The following RASA3 variants were observed in gnomAD, a reference collection of about 807,000 sequenced individuals.
RASA3 encodes RAS p21 protein activator 3.
Under a neutral mutation model 110.0 loss-of-function variants are expected in RASA3, and 73 were observed. The ratio of observed to expected loss-of-function variants is 0.66; its 90% CI spans 0.55 to 0.81. The LOEUF is 0.81. RASA3 is among the 30% of genes least tolerant of loss of function. RASA3 has a pLI of 0.00. For missense variants in RASA3, 976 were observed against 1,113.2 expected, an observed-to-expected ratio of 0.88 and a Z score of 1.75; for synonymous variants, 500 against 451.4, an observed-to-expected ratio of 1.11 and a Z score of -1.37.
chr13:114,070,415 G>A (rs928288040), intron 2 of RASA3, among the ~76,000 whole-genome samples: 19 of 152,108 alleles, frequency 1.2e-4, no homozygotes, highest in African/African-American at 2.9e-4. Context: ...CACCGATGGA[G>A]GGCTTCCGAC....
In RASA3 at chr13:114,000,831, C is replaced by T; in HGVS notation, c.1844G>A (p.Ser615Asn). Reference protein sequence around the residue: ...LTNHEFTYHKSKGDQPLYSIP... With the variant: ...LTNHEFTYHKNKGDQPLYSIP... ...AAAGCGACCTTGCTCCTTACCTTTG[C>T]TTTTGTGGTAGGTAAATTCATGGTT... Residue 615 changes from serine (S) to asparagine (N), a missense_variant, in exon 19 of 24, where the codon AGC becomes AAC. Ser to Asn is a conservative substitution (Grantham distance 46, BLOSUM62 1). Around this residue, in one of 4 missense-constraint regions of RASA3, gnomAD observed 109 missense variants for 162.5 expected, o/e 0.67. Coordinates refer to ENST00000334062, the MANE Select transcript of RASA3 (RefSeq NM_007368.4). The T allele has an allele frequency of 6.2e-7, 1 of 1,607,404 alleles. No homozygotes were observed. Among genetic ancestry groups the T allele is most frequent in the Non-Finnish European group, 8.5e-7 (1 of 1,173,966 alleles).
chr13:114,047,292 A>C (rs568897318), intron 3 of RASA3, among the ~76,000 whole-genome samples: 1 of 152,368 alleles, frequency 6.6e-6, no homozygotes, highest in South Asian at 2.1e-4. Flanking sequence ...ACTAAGCCCA[A>C]GAAAAGGTCC....
At chr13:114,108,018 G>A (rs2080157340) in intron 1 of RASA3, among the ~76,000 whole-genome samples, 1 of 152,016 alleles carries the variant, frequency 6.6e-6, no homozygotes, top group Non-Finnish European at 1.5e-5. Context: ...GGGCTCTGCG[G>A]GATCCCCTGA....
At chr13:114,124,800 G>A (rs545301155) in intron 1 of RASA3, among the ~76,000 whole-genome samples, 6 of 152,284 alleles carry the variant, frequency 3.9e-5, no homozygotes, top group South Asian at 2.1e-4. Flanking sequence ...TTTCTTTCTC[G>A]GCCTTGGCGT....
intron 1 of RASA3, among the ~76,000 whole-genome samples, chr13:114,098,499 A>G (rs993806620): frequency 2.0e-5 from 3 of 152,166 alleles, no homozygotes; most frequent in Admixed American, 2.0e-4. Context: ...AGAGACGTGA[A>G]CAGGCGAAAG....
intron 2 of RASA3, among the ~76,000 whole-genome samples, chr13:114,059,277 T>C (rs546272223): frequency 6.6e-6 from 1 of 152,268 alleles, no homozygotes; most frequent in Non-Finnish European, 1.5e-5. Context: ...AGTCCCCAGG[T>C]GCAGCTGCTC....
Position 114,132,525 on chromosome 13 carries a change from C to A in RASA3, c.-36G>T. On this transcript the variant is annotated 5_prime_UTR_variant, in exon 1 of 24. Coordinates refer to ENST00000334062, the MANE Select transcript of RASA3 (RefSeq NM_007368.4). The stretch of plus-strand genomic sequence containing the variant: ...CGCGCCCGCCGAGCCTCGCCCCAAG[C>A]GCGCGCCGAGCCCGGGCAGCTCAGG... The A allele has an allele frequency of 6.9e-7, 1 of 1,453,398 alleles. No individual in the cohort carries two copies. The highest frequency in any genetic ancestry group is 9.1e-7 in the Non-Finnish European group (1 of 1,102,992). 90.0% of individuals were successfully genotyped at this position (1,453,398 alleles called of 1,614,324 possible). A position where few individuals can be genotyped will look rare whatever the true frequency, so the allele number is the denominator to read the frequency against.
chr13:114,078,036 A>T (rs2079722430), intron 1 of RASA3: 2 of 970,050 alleles, frequency 2.1e-6, no homozygotes, highest in Admixed American at 6.2e-5. Context: ...GGTTGCTATG[A>T]CGACAGCAAC....
Position 114,011,219 on chromosome 13 carries a change from C to T in RASA3, c.1542G>A (p.Leu514=). The change falls in exon 16 of 24, where the codon TTG becomes TTA. Residue 514 remains leucine, a synonymous_variant. Coordinates refer to ENST00000334062, the MANE Select transcript of RASA3 (RefSeq NM_007368.4). The surrounding 1 kb of genome is among the most constrained non-coding windows in gnomAD (Gnocchi z 4.8). ...TDPQTSRTLT[L]ISKTVQTLGS... Reference sequence around the variant, plus strand: ...CGAGGGTCTGAACGGTCTTGGAGATCAATGTCAGCGTCCTGGACGTCTGGG... The same window carrying T: ...CGAGGGTCTGAACGGTCTTGGAGATTAATGTCAGCGTCCTGGACGTCTGGG... The T allele has an allele frequency of 6.2e-7, 1 of 1,612,870 alleles. No homozygotes were observed. The highest frequency in any genetic ancestry group is 1.1e-5 in the South Asian group (1 of 90,548).
chr13:114,124,721 G>A (rs145555617), intron 1 of RASA3, among the ~76,000 whole-genome samples: 21 of 152,372 alleles, frequency 1.4e-4, no homozygotes, highest in Admixed American at 1.3e-3. Context: ...GCGGCCTGAC[G>A]GAGCCGCTCC....
At chr13:114,100,274 T>C (rs925415625) in intron 1 of RASA3, among the ~76,000 whole-genome samples, 1 of 151,782 alleles carries the variant, frequency 6.6e-6, no homozygotes, top group Non-Finnish European at 1.5e-5. Context: ...CGGCTGCCCC[T>C]CGGCCCCGAC....
chr13:114,075,458 G>A (rs1048572972), intron 1 of RASA3, among the ~76,000 whole-genome samples: 3 of 89,288 alleles, frequency 3.4e-5, no homozygotes, highest in Admixed American at 1.0e-4. Context: ...TCCCGTGTCC[G>A]CGCCGCGTAT....
chr13:114,013,660 CTT>C (rs1437330505), intron 14 of RASA3, among the ~76,000 whole-genome samples: 1 of 145,980 alleles, frequency 6.9e-6, no homozygotes, highest in Non-Finnish European at 1.5e-5. Flanking sequence ...CTCTCTCCCT[CTT>C]TGTCCCTCTC....
chr13:113,991,380 A>C (rs1478606043), intron 22 of RASA3, among the ~76,000 whole-genome samples: 1 of 152,224 alleles, frequency 6.6e-6, no homozygotes, highest in Admixed American at 6.5e-5. Context: ...CAGGGGAATG[A>C]AAAGAAGAAA....
At chr13:114,118,049 G>C (rs2080319623) in intron 1 of RASA3, among the ~76,000 whole-genome samples, 1 of 152,072 alleles carries the variant, frequency 6.6e-6, no homozygotes, top group Non-Finnish European at 1.5e-5. Context: ...CAGCCGTTTA[G>C]AAGTGCCTTA....
chr13:114,059,568 G>A (rs967236661), intron 2 of RASA3, among the ~76,000 whole-genome samples: 5 of 152,210 alleles, frequency 3.3e-5, no homozygotes, highest in Admixed American at 6.5e-5. Context: ...TCAGGACACC[G>A]CCCTCTCCAC....
rs142324178 is a variant in RASA3 at position 114,104,525 on chromosome 13, A to G, written c.55+27910T>C. ...CCTGACCCTGTCATCAGGGGCGGGA[A>G]CTCCGGTGGCGGGCACACCCAGCGC... On this transcript the variant is annotated intron_variant, in intron 1 of 23. Coordinates refer to ENST00000334062, the MANE Select transcript of RASA3 (RefSeq NM_007368.4). Among the ~76,000 whole-genome samples the G allele has an allele frequency of 2.1e-3, 325 of 152,168 alleles. 1 individual carries two copies. The highest frequency in any genetic ancestry group is 3.9e-3 in the Non-Finnish European group (267 of 67,980).
chr13:114,094,801 A>G lies in RASA3; in HGVS notation c.56-20964T>C, dbSNP rs377132089. On this transcript the variant is annotated intron_variant, in intron 1 of 23. Transcript: ENST00000334062. ...TGCATTTTGTTGGGCTATAATATAC[A>G]CTCAGTAAATAGAGCTCACACGTTT... 7.5e-4 allele frequency among the ~76,000 whole-genome samples: 114 copies of G among 152,314 alleles called. 2 individuals carry two copies. The South Asian group carries it at 0.019, about 25-fold the overall frequency.
At chr13:114,052,007 C>T (rs115858845) in intron 3 of RASA3, 45 bp downstream of exon 3, 10 of 1,435,168 alleles carry the variant, frequency 7.0e-6, no homozygotes, top group South Asian at 6.9e-5. Flanking sequence ...TCGCCTGGTA[C>T]AGAACAGGCA....
Sources: gnomAD v4.1 joint callset for allele counts (sites outside exome capture counted in the v4.1 genomes callset) on GRCh38, gnomAD v4.1.1 for gene constraint, gnomAD v4.1.1 regional missense constraint, Gnocchi (gnomAD v3.1) non-coding constraint, MANE v1.5 for transcripts, NCBI Gene and HGNC (gene_info 2026-07-23, HGNC 2026-07-21) for gene names.